ADGRG5: variants seen among roughly 807,000 people sequenced by gnomAD.
The protein encoded by ADGRG5 is G protein-coupled receptor 114.
ADGRG5 carries 37 observed loss-of-function variants against 53.2 expected under a neutral mutation model. That is an observed-to-expected ratio of 0.70 (90% CI 0.53 to 0.91). The LOEUF is 0.91. Among genes scored for constraint, ADGRG5 ranks in the 40% least tolerant of loss-of-function variants. The pLI, the probability that ADGRG5 is intolerant of heterozygous loss-of-function variation, is 0.00. For missense variants in ADGRG5, 614 were observed against 675.8 expected, an observed-to-expected ratio of 0.91 and a Z score of 1.01; for synonymous variants, 277 against 290.4, an observed-to-expected ratio of 0.95 and a Z score of 0.47.
At chr16:57,541,280 C>T (rs1184353890), upstream of ADGRG5, among the ~76,000 whole-genome samples, 1 of 152,206 alleles carries the variant, frequency 6.6e-6, no homozygotes, top group Non-Finnish European at 1.5e-5. Context: ...GCCAGTTGGG[C>T]TCACATTCAG....
intron 1 of ADGRG5, among the ~76,000 whole-genome samples, chr16:57,557,697 TATATTACACTATC>T (rs1465073754): frequency 2.0e-5 from 3 of 152,232 alleles, no homozygotes; most frequent in Admixed American, 2.0e-4. Flanking sequence ...TTGGATAATT[TATATTACACTATC>T]ATCAAGTTCA....
chr16:57,570,086 C>A (rs1295724422), intron 9 of ADGRG5, among the ~76,000 whole-genome samples: 1 of 152,188 alleles, frequency 6.6e-6, no homozygotes, highest in Non-Finnish European at 1.5e-5. Flanking sequence ...ATCACTGGTA[C>A]CTTCATCACC....
intron 1 of ADGRG5, among the ~76,000 whole-genome samples, chr16:57,543,536 G>A (rs571857490): frequency 1.2e-4 from 18 of 152,244 alleles, no homozygotes; most frequent in African/African-American, 4.3e-4. Flanking sequence ...ACCTGCCTTG[G>A]CCTCCCAAAG....
At chr16:57,571,480 C>T (rs1379897792) in intron 10 of ADGRG5, among the ~76,000 whole-genome samples, 3 of 152,102 alleles carry the variant, frequency 2.0e-5, no homozygotes, top group African/African-American at 7.2e-5. Flanking sequence ...TGATCCCTCT[C>T]ACATTGAGGC....
At chr16:57,567,444 C>T in intron 7 of ADGRG5, 26 bp from the exon 8 acceptor site, 1 of 1,602,902 alleles carries the variant, frequency 6.2e-7, no homozygotes, top group South Asian at 1.1e-5. Flanking sequence ...ATGCTTCTGG[C>T]CTCCAGCCCC....
intron 10 of ADGRG5, among the ~76,000 whole-genome samples, chr16:57,573,210 T>G (rs1428106278): frequency 6.6e-6 from 1 of 151,974 alleles, no homozygotes. Flanking sequence ...GGCAGGTGGA[T>G]CAACTGAGGT....
chr16:57,566,507 G>T, intron 6 of ADGRG5, 92 bp from the exon 7 acceptor site: 1 of 1,125,106 alleles, frequency 8.9e-7, no homozygotes, highest in Non-Finnish European at 1.2e-6. Flanking sequence ...TGGCAAATGT[G>T]CAGTTGAGTC....
chr16:57,553,710 T>C (rs2032805940), intron 1 of ADGRG5, among the ~76,000 whole-genome samples: 1 of 152,198 alleles, frequency 6.6e-6, no homozygotes, highest in African/African-American at 2.4e-5. Context: ...TGTCATTTTC[T>C]AAAAAATATC....
At chr16:57,559,327 T>G (rs2032951231) in intron 1 of ADGRG5, among the ~76,000 whole-genome samples, 1 of 152,192 alleles carries the variant, frequency 6.6e-6, no homozygotes. Flanking sequence ...ATTACCACCT[T>G]GCACTCATGC....
chr16:57,542,516 AGAAGT>A (rs770800298), upstream of ADGRG5: 6 of 153,090 alleles, frequency 3.9e-5, no homozygotes, highest in Non-Finnish European at 5.8e-5. Flanking sequence ...TGGTGAAAGA[AGAAGT>A]GAAGTGAGAG....
At chr16:57,548,073 C>G (rs1386373539) in intron 1 of ADGRG5, among the ~76,000 whole-genome samples, 1 of 151,926 alleles carries the variant, frequency 6.6e-6, no homozygotes, top group Non-Finnish European at 1.5e-5. Flanking sequence ...GAGAAAGGGT[C>G]TCACTATGTT....
At chr16:57,568,573 A>G (rs962038937) in intron 9 of ADGRG5, among the ~76,000 whole-genome samples, 19 of 149,226 alleles carry the variant, frequency 1.3e-4, no homozygotes, top group African/African-American at 4.5e-4. Context: ...CTCCACCTCC[A>G]TCACCACCTC....
intron 1 of ADGRG5, among the ~76,000 whole-genome samples, chr16:57,560,448 C>G (rs866092207): frequency 5.3e-5 from 8 of 152,190 alleles, no homozygotes; most frequent in Non-Finnish European, 1.0e-4. Context: ...AGGTCTTGGC[C>G]ATAACATTGA....
At chr16:57,538,562 A>G (rs1179992005), upstream of ADGRG5, among the ~76,000 whole-genome samples, 1 of 152,162 alleles carries the variant, frequency 6.6e-6, no homozygotes. Context: ...GAGATGTCAG[A>G]TCCCAGATCT....
chr16:57,553,671 G>A (rs569337093), intron 1 of ADGRG5, among the ~76,000 whole-genome samples: 214 of 152,086 alleles, frequency 1.4e-3, no homozygotes, highest in African/African-American at 4.9e-3. Flanking sequence ...AAGATCCTTT[G>A]TTTTTACATA....
intron 1 of ADGRG5, among the ~76,000 whole-genome samples, chr16:57,558,015 T>C (rs1445740544): frequency 1.3e-5 from 2 of 152,256 alleles, no homozygotes; most frequent in Non-Finnish European, 2.9e-5. Flanking sequence ...TTGTGTGTAA[T>C]GGAACAGTAG....
chr16:57,557,780 C>T (rs546346028), intron 1 of ADGRG5, among the ~76,000 whole-genome samples: 4 of 152,228 alleles, frequency 2.6e-5, no homozygotes, highest in Non-Finnish European at 4.4e-5. Context: ...AATTCTTCAT[C>T]ACTGATATCG....
chr16:57,535,439 C>T, the ADGRG5 span, among the ~76,000 whole-genome samples: 5 of 152,176 alleles, frequency 3.3e-5, no homozygotes, highest in African/African-American at 1.2e-4. Flanking sequence ...GTGTCTGTGT[C>T]CACACCGCGG....
At chr16:57,549,245 C>A (rs1307871261) in intron 1 of ADGRG5, among the ~76,000 whole-genome samples, 2 of 152,142 alleles carry the variant, frequency 1.3e-5, no homozygotes, top group African/African-American at 4.8e-5. Context: ...CTAAGCCGTC[C>A]CCTTGCAGAT....
Sources: gnomAD v4.1 joint callset for allele counts (sites outside exome capture counted in the v4.1 genomes callset) on GRCh38, gnomAD v4.1.1 for gene constraint, MANE v1.5 for transcripts, NCBI Gene and HGNC (gene_info 2026-07-23, HGNC 2026-07-21) for gene names.